The following WDR72 variants were observed in gnomAD, a reference collection of about 807,000 sequenced individuals.
WDR72 encodes the protein WD repeat-containing protein 72.
A neutral mutation model predicts 124.2 loss-of-function variants in WDR72; 120 were observed. That is an observed-to-expected ratio of 0.97 (90% CI 0.83 to 1.12). The LOEUF (loss-of-function observed/expected upper bound fraction) is 1.12, where lower values mean the gene tolerates loss of function less well. Among genes scored for constraint, WDR72 ranks in the 50% most tolerant of loss-of-function variants. WDR72 has a pLI of 0.00. For synonymous variants in WDR72, 452 were observed against 441.7 expected (o/e 1.02, Z -0.29); for missense variants, 1,387 against 1,278.8 (o/e 1.08, Z -1.29).
chr15:53,516,049 C>A lies in WDR72; in HGVS notation c.*1650G>T, dbSNP rs1020997901. The stretch of plus-strand genomic sequence containing the variant: ...ATATAATCCATCGCCTAACTTGCTA[C>A]CTTCCTTTATTTTGAAACTTGTTTG... On this transcript the variant is annotated 3_prime_UTR_variant, in exon 20 of 20. Coordinates refer to ENST00000360509, the MANE Select transcript of WDR72 (RefSeq NM_182758.4). 5 of 152,018 alleles carry A rather than the reference C, an allele frequency of 3.3e-5. No individual in the cohort carries two copies. Among genetic ancestry groups the A allele is most frequent in the Non-Finnish European group, 7.4e-5 (5 of 67,990 alleles). The allele number at this position is 152,018 out of a possible 1,614,324, so 9.4% of individuals were successfully genotyped here. A position where few individuals can be genotyped will look rare whatever the true frequency, so the allele number is the denominator to read the frequency against.
upstream of WDR72, among the ~76,000 whole-genome samples, chr15:53,760,738 GT>G (rs955418214): frequency 1.3e-4 from 20 of 152,108 alleles, no homozygotes; most frequent in African/African-American, 4.1e-4. Context: ...TCTAGTTTTA[GT>G]TTTTTGAGAA....
chr15:53,613,041 TA>T (rs1566983959), intron 16 of WDR72, among the ~76,000 whole-genome samples: 1 of 151,814 alleles, frequency 6.6e-6, no homozygotes, highest in Admixed American at 6.6e-5. Context: ...AAAGGGAAAG[TA>T]AAAAAGAATC....
intron 1 of WDR72, among the ~76,000 whole-genome samples, chr15:53,738,748 A>G (rs1229925089): frequency 6.6e-6 from 1 of 152,096 alleles, no homozygotes; most frequent in African/African-American, 2.4e-5. Flanking sequence ...CTGGGATTAC[A>G]GGCACCCACC....
In WDR72 at chr15:53,705,224, A is replaced by T. The variant is rs879524028; in HGVS notation, c.1112T>A (p.Val371Glu). ...ATCTTGAAGAGTCCAGGTGGCAGTTACTGGTATCTCTAAAAAGAAAACAGA... is the reference window on the plus strand; with the variant it reads ...ATCTTGAAGAGTCCAGGTGGCAGTTTCTGGTATCTCTAAAAAGAAAACAGA... Reference protein sequence around the residue: ...KFDGSPREIPVTATWTLQDNF... With the variant: ...KFDGSPREIPETATWTLQDNF... The change falls in exon 11 of 20, where the codon GTA becomes GAA. Residue 371 changes from valine to glutamate, a missense_variant. Coordinates refer to ENST00000360509, the MANE Select transcript of WDR72 (RefSeq NM_182758.4). 1.9e-6 allele frequency: 3 copies of T among 1,613,340 alleles called. No homozygotes were observed. Among genetic ancestry groups the T allele is most frequent in the Middle Eastern group, 3.3e-4 (2 of 6,060 alleles).
chr15:53,611,160 G>A (rs775620096), intron 16 of WDR72, among the ~76,000 whole-genome samples: 66 of 152,010 alleles, frequency 4.3e-4, no homozygotes, highest in Admixed American at 1.6e-3. Context: ...TGAGCACCTC[G>A]GAGTATTATT....
chr15:53,712,819 T>C lies in WDR72; in HGVS notation c.664A>G (p.Thr222Ala), dbSNP rs780525916. The C allele has an allele frequency of 3.7e-6, 6 of 1,613,662 alleles. No individual in the cohort carries two copies. Among genetic ancestry groups the C allele is most frequent in the African/African-American group, 2.7e-5 (2 of 74,908 alleles). Residue 222 changes from threonine (T) to alanine (A), a missense_variant, in exon 7 of 20, where the codon ACA becomes GCA. By Grantham distance (58) the Thr-to-Ala change is moderately conservative. Transcript: ENST00000360509. ...ACCAATAGAAGTCTCTCAGTATATG[T>C]GCAAAATCGAATTGTCTGGCAGTTC... The part of the protein sequence containing the change: ...SLNCQTIRFC[T>A]YTERLLLVVF...
intron 13 of WDR72, among the ~76,000 whole-genome samples, chr15:53,683,921 C>A (rs752974798): frequency 2.0e-5 from 3 of 152,114 alleles, no homozygotes; most frequent in Non-Finnish European, 4.4e-5. Flanking sequence ...GAGTTCTTAA[C>A]CTTTTTTACA....
chr15:53,672,711 A>G (rs934132984), intron 13 of WDR72, among the ~76,000 whole-genome samples: 5 of 152,170 alleles, frequency 3.3e-5, no homozygotes, highest in African/African-American at 1.2e-4. Context: ...CTACCTAAAG[A>G]AGGAGAAGAA....
intron 18 of WDR72, among the ~76,000 whole-genome samples, chr15:53,595,138 G>A (rs1232415893): frequency 4.0e-5 from 6 of 151,806 alleles, no homozygotes; most frequent in African/African-American, 1.5e-4. Flanking sequence ...GTAATATTCT[G>A]GTGTTCTAAT....
intron 2 of WDR72, among the ~76,000 whole-genome samples, chr15:53,726,517 C>A (rs1966952): frequency 0.95 from 145,012 of 152,128 alleles, 69,512 homozygotes; most frequent in Non-Finnish European, 1. Flanking sequence ...TCCTACATTA[C>A]AAACAAAATT....
At chr15:53,752,788 G>A (rs1452643300) in intron 1 of WDR72, among the ~76,000 whole-genome samples, 1 of 152,124 alleles carries the variant, frequency 6.6e-6, no homozygotes. Flanking sequence ...ATTTTAGTCT[G>A]AATCACACAA....
intron 3 of WDR72, among the ~76,000 whole-genome samples, chr15:53,720,608 C>G (rs578909): frequency 0.05 from 7,587 of 152,190 alleles, 637 homozygotes; most frequent in African/African-American, 0.17. Flanking sequence ...ATATACAATT[C>G]CAAGCTGACA....
chr15:53,571,025 T>C (rs1178082851), intron 18 of WDR72, among the ~76,000 whole-genome samples: 1 of 151,952 alleles, frequency 6.6e-6, no homozygotes, highest in Non-Finnish European at 1.5e-5. Context: ...AGCCAAATAC[T>C]ACAAATTAAC....
Position 53,514,487 on chromosome 15 carries a change from T to C in WDR72, c.*3212A>G, listed in dbSNP as rs944574700. The C allele has an allele frequency of 1.3e-5, 2 of 152,134 alleles. No homozygotes were observed. Among genetic ancestry groups the C allele is most frequent in the East Asian group, 1.9e-4 (1 of 5,192 alleles). The allele number at this position is 152,134 out of a possible 1,614,324, so 9.4% of individuals were successfully genotyped here. On this transcript the variant is annotated 3_prime_UTR_variant, in exon 20 of 20. Coordinates refer to ENST00000360509, the MANE Select transcript of WDR72 (RefSeq NM_182758.4). ...AGTATCTTTTCTAAAGTGTTCATTA[T>C]AATAATTATGAAAGGATTTTAAAAA...
intron 17 of WDR72, among the ~76,000 whole-genome samples, chr15:53,600,204 A>G (rs2012981295): frequency 6.6e-6 from 1 of 152,222 alleles, no homozygotes; most frequent in Non-Finnish European, 1.5e-5. Context: ...TGTGGGAAGT[A>G]TAATTTATTG....
At chr15:53,661,998 A>G (rs2015624949) in intron 14 of WDR72, among the ~76,000 whole-genome samples, 1 of 152,230 alleles carries the variant, frequency 6.6e-6, no homozygotes, top group East Asian at 1.9e-4. Flanking sequence ...AAAAGAATTT[A>G]AAAGCAACTA....
At chr15:53,726,212 ATG>A (rs1353761523) in intron 2 of WDR72, among the ~76,000 whole-genome samples, 1 of 129,886 alleles carries the variant, frequency 7.7e-6, no homozygotes, top group African/African-American at 4.0e-5. Context: ...GTATATATAT[ATG>A]TATGTGTATA....
At chr15:53,529,164 A>ATATTTTTTTTTTTT (rs59003623) in intron 18 of WDR72, among the ~76,000 whole-genome samples, 19 of 78,154 alleles carry the variant, frequency 2.4e-4, no homozygotes, top group African/African-American at 8.5e-4. Flanking sequence ...ATATATATAT[A>ATATTTTTTTTTTTT]TTTTTTTTTT....
intron 14 of WDR72, among the ~76,000 whole-genome samples, chr15:53,664,887 A>G (rs1457426930): frequency 6.6e-6 from 1 of 152,198 alleles, no homozygotes; most frequent in Admixed American, 6.6e-5. Flanking sequence ...TATATGAAAA[A>G]ATACATTTGA....
Sources: gnomAD v4.1 joint callset for allele counts (sites outside exome capture counted in the v4.1 genomes callset) on GRCh38, gnomAD v4.1.1 for gene constraint, MANE v1.5 for transcripts, NCBI Gene and HGNC (gene_info 2026-07-23, HGNC 2026-07-21) for gene names.